Variants in AFF3 observed in about 807,000 individuals in gnomAD.
The protein encoded by AFF3 is AF4/FMR2 family member 3.
A neutral mutation model predicts 129.7 loss-of-function variants in AFF3; 32 were observed. The ratio of observed to expected loss-of-function variants is 0.25; its 90% CI spans 0.19 to 0.33. AFF3 has a LOEUF of 0.33. AFF3 is among the 10% of genes least tolerant of loss of function. The pLI is 1.00. For missense variants in AFF3, 1,373 were observed against 1,592.0 expected (o/e 0.86, Z 2.34); for synonymous variants, 644 against 635.4 (o/e 1.01, Z -0.20).
chr2:100,020,040 CCTT>C (rs1476344854), intron 4 of AFF3, among the ~76,000 whole-genome samples: 2 of 152,180 alleles, frequency 1.3e-5, no homozygotes, highest in Non-Finnish European at 2.9e-5. Flanking sequence ...TGCCATTACA[CCTT>C]CTCTTATCAG....
At chr2:99,869,388 A>T (rs1233571839) in intron 7 of AFF3, among the ~76,000 whole-genome samples, 4 of 148,988 alleles carry the variant, frequency 2.7e-5, no homozygotes, top group Non-Finnish European at 5.9e-5. Flanking sequence ...ACATTTACTC[A>T]GCACCTTCTA....
intron 7 of AFF3, among the ~76,000 whole-genome samples, chr2:99,971,421 T>TC (rs945087137): frequency 1.3e-5 from 2 of 152,186 alleles, no homozygotes; most frequent in African/African-American, 4.8e-5. Context: ...CAGGAAAATA[T>TC]CCAAACTCTT....
intron 8 of AFF3, among the ~76,000 whole-genome samples, chr2:99,795,837 C>T (rs534546191): frequency 6.6e-6 from 1 of 152,072 alleles, no homozygotes; most frequent in Non-Finnish European, 1.5e-5. Context: ...ATTTGGCTTG[C>T]ACCTCATGCT....
chr2:99,744,554 TGCCCCAGCCCCTCACAAC>T (rs1354594627), intron 9 of AFF3, among the ~76,000 whole-genome samples: 1 of 152,074 alleles, frequency 6.6e-6, no homozygotes, highest in South Asian at 2.1e-4. Context: ...GCCCTCCCAA[TGCCCCAGCCCCTCACAAC>T]CACCAATTTC....
intron 18 of AFF3, among the ~76,000 whole-genome samples, chr2:99,572,319 A>C: frequency 9.5e-6 from 1 of 105,672 alleles, no homozygotes; most frequent in Non-Finnish European, 1.8e-5. Context: ...CTAGAAACAC[A>C]CGGTCTTGGT....
chr2:99,606,351 T>C (rs1292993378), intron 13 of AFF3, among the ~76,000 whole-genome samples: 1 of 152,198 alleles, frequency 6.6e-6, no homozygotes, highest in Non-Finnish European at 1.5e-5. Flanking sequence ...ATTTTTAGCA[T>C]GCTACCTACC....
At chr2:99,931,663 C>A (rs1279436886) in intron 7 of AFF3, among the ~76,000 whole-genome samples, 1 of 152,178 alleles carries the variant, frequency 6.6e-6, no homozygotes, top group Non-Finnish European at 1.5e-5. Flanking sequence ...AATCCCAGCA[C>A]CTTGGGAGGC....
intron 2 of AFF3, among the ~76,000 whole-genome samples, chr2:100,123,746 GGA>G (rs1692075161): frequency 6.6e-6 from 1 of 152,102 alleles, no homozygotes; most frequent in Non-Finnish European, 1.5e-5. Context: ...CAGTTCTAAA[GGA>G]GAGAGGTCAG....
intron 7 of AFF3, among the ~76,000 whole-genome samples, chr2:99,908,972 C>T (rs938215353): frequency 1.1e-4 from 17 of 152,160 alleles, no homozygotes; most frequent in Non-Finnish European, 1.5e-5. Flanking sequence ...TTTGACCCAG[C>T]CATCCCATTA....
chr2:99,814,332 G>A (rs1687043580), intron 8 of AFF3, among the ~76,000 whole-genome samples: 1 of 152,064 alleles, frequency 6.6e-6, no homozygotes, highest in African/African-American at 2.4e-5. Flanking sequence ...ACAGGGGAAA[G>A]GCAACTGAAT....
At chr2:99,606,915 C>CAAAAA (rs10680840) in intron 13 of AFF3, among the ~76,000 whole-genome samples, 41 of 62,060 alleles carry the variant, frequency 6.6e-4, no homozygotes, top group Non-Finnish European at 7.7e-4. Flanking sequence ...CTCCGTCTCA[C>CAAAAA]AAAAAAAAAA....
intron 9 of AFF3, among the ~76,000 whole-genome samples, chr2:99,750,390 TG>T (rs1371315351): frequency 2.0e-5 from 3 of 149,440 alleles, no homozygotes; most frequent in African/African-American, 7.4e-5. Context: ...GGCAAAGATA[TG>T]TAAAAAGTAC....
chr2:99,956,730 A>G (rs1676683216), intron 7 of AFF3, among the ~76,000 whole-genome samples: 1 of 152,228 alleles, frequency 6.6e-6, no homozygotes, highest in Non-Finnish European at 1.5e-5. Flanking sequence ...CATTTCAGCA[A>G]TAACTGAGCA....
intron 7 of AFF3, among the ~76,000 whole-genome samples, chr2:99,881,065 C>T (rs1278795527): frequency 6.6e-6 from 1 of 152,086 alleles, no homozygotes; most frequent in African/African-American, 2.4e-5. Flanking sequence ...TGTACAGCTG[C>T]AGGCAATATA....
At chr2:99,886,240 G>A (rs887315103) in intron 7 of AFF3, among the ~76,000 whole-genome samples, 1 of 152,092 alleles carries the variant, frequency 6.6e-6, no homozygotes. Flanking sequence ...CCATGCTAGC[G>A]AGGTCTGATC....
At chr2:99,989,275 TA>T (rs944519677) in intron 7 of AFF3, among the ~76,000 whole-genome samples, 1 of 152,210 alleles carries the variant, frequency 6.6e-6, no homozygotes, top group African/African-American at 2.4e-5. Flanking sequence ...ATACACACTG[TA>T]ATCACAGAGC....
intron 4 of AFF3, among the ~76,000 whole-genome samples, chr2:100,067,204 G>T (rs1687800554): frequency 6.6e-6 from 1 of 151,982 alleles, no homozygotes; most frequent in Non-Finnish European, 1.5e-5. Flanking sequence ...AAAAGGTGGG[G>T]GGAGGGTGTA....
intron 7 of AFF3, among the ~76,000 whole-genome samples, chr2:99,871,040 C>T (rs909966370): frequency 1.3e-5 from 2 of 152,112 alleles, no homozygotes; most frequent in African/African-American, 4.8e-5. Context: ...ATTTGAACAC[C>T]AACATGACAC....
intron 14 of AFF3, among the ~76,000 whole-genome samples, chr2:99,596,194 G>A (rs1316683397): frequency 1.3e-5 from 2 of 152,202 alleles, no homozygotes; most frequent in Non-Finnish European, 2.9e-5. Context: ...GTACCTCTGA[G>A]TTCTGCGTAA....
Sources: allele counts gnomAD v4.1 joint callset (sites outside exome capture counted in the v4.1 genomes callset), GRCh38; gene constraint gnomAD v4.1.1; transcripts MANE v1.5; gene names NCBI Gene and HGNC (gene_info 2026-07-23, HGNC 2026-07-21).